Variants in TVP23A observed in about 807,000 individuals in gnomAD.
TVP23A encodes Golgi apparatus membrane protein TVP23 homolog A.
In TVP23A, 21 loss-of-function variants were observed where a neutral mutation model predicts 31.7. That is an observed-to-expected ratio of 0.66 (90% confidence interval 0.47 to 0.95). TVP23A has a LOEUF of 0.95. TVP23A is among the 40% of genes least tolerant of loss of function. TVP23A has a pLI of 0.00. For missense variants in TVP23A, 279 were observed against 255.6 expected (o/e 1.09, Z -0.62); for synonymous variants, 104 against 96.0 (o/e 1.08, Z -0.49).
At position 10,773,262 on chromosome 16, in the gene TVP23A, C is replaced by G; in HGVS notation, c.453+51G>C. The G allele has an allele frequency of 1.9e-6, 3 of 1,544,522 alleles. No homozygotes were observed. In the South Asian group the frequency reaches 3.8e-5, roughly 20 times the overall value. On this transcript the variant is annotated intron_variant, in intron 5 of 7. Coordinates refer to ENST00000299866, the MANE Select transcript of TVP23A (RefSeq NM_001079512.4). The stretch of plus-strand genomic sequence containing the variant: ...CAACAAAAGCCTAGTGGTGCAAACA[C>G]TTTTTTTGCAGAGACATCAAAGCAA...
At chr16:10,773,175 T>C (rs1370111570) in intron 5 of TVP23A, 138 bp downstream of exon 5, 2 of 1,167,518 alleles carry the variant, frequency 1.7e-6, no homozygotes, top group East Asian at 5.4e-5. Flanking sequence ...GTAAATTGTA[T>C]GGAATGTGTA....
intron 2 of TVP23A, among the ~76,000 whole-genome samples, chr16:10,802,039 T>G (rs79447061): frequency 1.4e-3 from 205 of 151,758 alleles, no homozygotes; most frequent in African/African-American, 4.9e-3. Flanking sequence ...CATTGAAGTA[T>G]TTAGGGGCAA....
At chr16:10,791,017 C>A (rs923398791) in intron 2 of TVP23A, among the ~76,000 whole-genome samples, 1 of 151,972 alleles carries the variant, frequency 6.6e-6, no homozygotes, top group Admixed American at 6.6e-5. Context: ...TGCCCTTGGC[C>A]GATAGGAGGG....
chr16:10,760,991 T>G (rs1900920055), downstream of TVP23A: 1 of 193,096 alleles, frequency 5.2e-6, no homozygotes, highest in South Asian at 1.0e-4. Context: ...ACAATCATGG[T>G]GGAAGGCAAA....
intron 2 of TVP23A, among the ~76,000 whole-genome samples, chr16:10,794,166 C>A (rs775683363): frequency 6.6e-6 from 1 of 152,166 alleles, no homozygotes; most frequent in African/African-American, 2.4e-5. Context: ...ACAGCCCTCA[C>A]GGCCGAATCA....
downstream of TVP23A, chr16:10,761,181 A>G (rs1039579775): frequency 9.5e-6 from 5 of 528,258 alleles, no homozygotes; most frequent in African/African-American, 9.6e-5. Context: ...GGATGTAGGG[A>G]TGATGGGGAT....
intron 2 of TVP23A, among the ~76,000 whole-genome samples, chr16:10,798,004 G>A (rs1405626701): frequency 7.3e-6 from 1 of 136,092 alleles, no homozygotes; most frequent in African/African-American, 2.8e-5. Flanking sequence ...CTCCCAGGCT[G>A]GAGTGCAGTG....
chr16:10,780,151 C>A (rs921634266), intron 2 of TVP23A, among the ~76,000 whole-genome samples: 10 of 152,132 alleles, frequency 6.6e-5, no homozygotes, highest in Non-Finnish European at 1.2e-4. Flanking sequence ...AGATTAACTT[C>A]TTTTAATCTA....
chr16:10,770,384 G>A (rs1017251589), intron 6 of TVP23A, 53 bp from the exon 7 acceptor site: 48 of 1,520,776 alleles, frequency 3.2e-5, no homozygotes, highest in Non-Finnish European at 3.8e-5. Flanking sequence ...CGAGTGGGGC[G>A]ATCCTGCTGA....
chr16:10,801,187 C>T (rs1048682780), intron 2 of TVP23A, among the ~76,000 whole-genome samples: 5 of 149,638 alleles, frequency 3.3e-5, no homozygotes, highest in African/African-American at 9.9e-5. Flanking sequence ...TAGTGGATGA[C>T]GAAAGAAAAA....
chr16:10,757,857 G>T, downstream of TVP23A: 4 of 1,608,446 alleles, frequency 2.5e-6, no homozygotes, highest in Non-Finnish European at 3.4e-6. This position sits in a 1 kb window ranked among gnomAD's most constrained non-coding sequence, Gnocchi z 4.1. Flanking sequence ...CATCCCCTGT[G>T]GATTCCTCTT....
intron 7 of TVP23A, 47 bp from the exon 8 acceptor site, chr16:10,769,148 C>G: frequency 6.3e-7 from 1 of 1,589,368 alleles, no homozygotes; most frequent in Non-Finnish European, 8.6e-7. Context: ...GAGCGAGGCA[C>G]TCACTGGGCA....
chr16:10,813,474 T>G (rs2034291049), intron 2 of TVP23A, among the ~76,000 whole-genome samples: 1 of 152,186 alleles, frequency 6.6e-6, no homozygotes, highest in Non-Finnish European at 1.5e-5. Flanking sequence ...ATAATCCAAT[T>G]AATGTTTGGA....
chr16:10,778,647 G>C (rs1162911273), intron 2 of TVP23A, among the ~76,000 whole-genome samples: 8 of 147,268 alleles, frequency 5.4e-5, no homozygotes, highest in Non-Finnish European at 1.2e-4. Context: ...CCTCTTTGTA[G>C]AACAATACAA....
downstream of TVP23A, among the ~76,000 whole-genome samples, chr16:10,758,772 G>A (rs948331972): frequency 3.9e-5 from 6 of 152,218 alleles, no homozygotes; most frequent in Admixed American, 3.9e-4. Flanking sequence ...CCAGCTGGGT[G>A]CAGATAGGGA....
chr16:10,760,534 C>G (rs1464079254), downstream of TVP23A, among the ~76,000 whole-genome samples: 1 of 152,186 alleles, frequency 6.6e-6, no homozygotes, highest in Non-Finnish European at 1.5e-5. Flanking sequence ...TCACTTCACA[C>G]CAGAAGCTTA....
In TVP23A at chr16:10,809,298, C is replaced by T. The variant is rs184458241; in HGVS notation, c.89+8805G>A. Among the ~76,000 whole-genome samples, 28 of 152,348 alleles carry T rather than the reference C, an allele frequency of 1.8e-4. No homozygotes were observed. In the East Asian group the frequency reaches 4.4e-3, roughly 24 times the overall value. ...GTCACTGTGAGTCAAGGGTTAACAT[C>T]GGGCCTGGGCTGATGGGGGCCTGCC... On this transcript the variant is annotated intron_variant, in intron 2 of 7. Coordinates refer to ENST00000299866, the MANE Select transcript of TVP23A (RefSeq NM_001079512.4).
At position 10,777,698 on chromosome 16, in the gene TVP23A, T is replaced by C. The variant is rs1433429711; in HGVS notation, c.90-2602A>G. On this transcript the variant is annotated intron_variant, in intron 2 of 7. Coordinates refer to ENST00000299866, the MANE Select transcript of TVP23A (RefSeq NM_001079512.4). The surrounding 1 kb of genome is among the most constrained non-coding windows in gnomAD (Gnocchi z 4.5). ...CCTGAATGAAAACCAACCCAGGAAG[T>C]GCACCCGGCTTTTAAGAATTAGACA... is the stretch of plus-strand genomic sequence containing the variant. Among the ~76,000 whole-genome samples, 2 of 152,156 alleles carry C rather than the reference T, an allele frequency of 1.3e-5. No individual in the cohort carries two copies. Among genetic ancestry groups the C allele is most frequent in the East Asian group, 1.9e-4 (1 of 5,196 alleles).
At chr16:10,805,832 A>G (rs986454336) in intron 2 of TVP23A, among the ~76,000 whole-genome samples, 1 of 151,856 alleles carries the variant, frequency 6.6e-6, no homozygotes, top group Non-Finnish European at 1.5e-5. Context: ...GTCCTTGAAA[A>G]TGTTTGTTGG....
Sources: allele counts gnomAD v4.1 joint callset (sites outside exome capture counted in the v4.1 genomes callset), GRCh38; gene constraint gnomAD v4.1.1; non-coding constraint Gnocchi (gnomAD v3.1); transcripts MANE v1.5; gene names NCBI Gene and HGNC (gene_info 2026-07-23, HGNC 2026-07-21).